Variants in TMIGD3 observed in about 807,000 individuals in gnomAD.
TMIGD3 encodes transmembrane and immunoglobulin domain containing 3.
Under a neutral mutation model 28.1 loss-of-function variants are expected in TMIGD3, and 21 were observed. The ratio of observed to expected loss-of-function variants is 0.75; its 90% confidence interval spans 0.53 to 1.08. TMIGD3 has a LOEUF of 1.08. TMIGD3 is among the 50% of genes least tolerant of loss of function. The pLI is 0.00. For synonymous variants in TMIGD3, 151 were observed against 162.1 expected, an observed-to-expected ratio of 0.93 and a Z score of 0.52; for missense variants, 416 against 435.6, an observed-to-expected ratio of 0.96 and a Z score of 0.40.
intron 1 of TMIGD3, among the ~76,000 whole-genome samples, chr1:111,521,864 TTC>T (rs1448640020): frequency 6.6e-6 from 1 of 152,244 alleles, no homozygotes; most frequent in East Asian, 1.9e-4. Flanking sequence ...CTCCTGTGTT[TTC>T]TCCTAGAAAT....
intron 1 of TMIGD3, among the ~76,000 whole-genome samples, chr1:111,534,698 T>A (rs1179203142): frequency 1.3e-5 from 2 of 152,050 alleles, no homozygotes; most frequent in African/African-American, 2.4e-5. Context: ...TGGGAGCACA[T>A]GAATGATGTA....
upstream of TMIGD3, among the ~76,000 whole-genome samples, chr1:111,508,298 C>CT (rs1655581322): frequency 6.6e-6 from 1 of 152,266 alleles, no homozygotes; most frequent in Admixed American, 6.5e-5. Flanking sequence ...AGCGTTTCAG[C>CT]TGCCGGAGAC....
intron 1 of TMIGD3, among the ~76,000 whole-genome samples, chr1:111,515,058 A>C (rs973232174): frequency 5.9e-5 from 9 of 152,204 alleles, no homozygotes; most frequent in Admixed American, 5.9e-4. Flanking sequence ...CCCCACATTG[A>C]ATCCAACTGC....
intron 1 of TMIGD3, among the ~76,000 whole-genome samples, chr1:111,548,216 T>TC (rs1230938119): frequency 6.6e-6 from 1 of 152,168 alleles, no homozygotes; most frequent in Non-Finnish European, 1.5e-5. Flanking sequence ...AGATGGGGTT[T>TC]CCCCATGTTG....
chr1:111,501,447 TTATTA>T (rs761900818), intron 1 of TMIGD3: 6 of 152,198 alleles, frequency 3.9e-5, no homozygotes, highest in Non-Finnish European at 8.8e-5. Flanking sequence ...AGGAGATATT[TTATTA>T]TAACCTCAAT....
intron 1 of TMIGD3, among the ~76,000 whole-genome samples, chr1:111,492,275 A>G (rs1412532051): frequency 6.6e-6 from 1 of 152,088 alleles, no homozygotes; most frequent in Non-Finnish European, 1.5e-5. Flanking sequence ...CCCCTTAGAA[A>G]CCATAAGAGA....
intron 1 of TMIGD3, among the ~76,000 whole-genome samples, chr1:111,510,753 C>T (rs893147216): frequency 4.6e-5 from 7 of 151,956 alleles, no homozygotes; most frequent in African/African-American, 7.3e-5. Flanking sequence ...AGAAGGAGTA[C>T]GCGTTTATTT....
chr1:111,507,844 A>G (rs1261781263), upstream of TMIGD3, among the ~76,000 whole-genome samples: 2 of 152,244 alleles, frequency 1.3e-5, no homozygotes, highest in Non-Finnish European at 2.9e-5. Context: ...ACAAGTGCTC[A>G]GGGTCAGCCC....
chr1:111,511,709 T>A (rs1042884799), intron 1 of TMIGD3, among the ~76,000 whole-genome samples: 3 of 112,180 alleles, frequency 2.7e-5, no homozygotes, highest in Non-Finnish European at 5.7e-5. Flanking sequence ...GTCCACATGC[T>A]CTTTCCATCC....
At chr1:111,512,396 C>T (rs11102289) in intron 1 of TMIGD3, among the ~76,000 whole-genome samples, 34,844 of 152,270 alleles carry the variant, frequency 0.23, 4,870 homozygotes, top group East Asian at 0.43. Flanking sequence ...GGAGAAATCA[C>T]TGTCAGGCTC....
At chr1:111,557,166 C>T (rs1205884515) in intron 1 of TMIGD3, among the ~76,000 whole-genome samples, 1 of 152,132 alleles carries the variant, frequency 6.6e-6, no homozygotes, top group Non-Finnish European at 1.5e-5. Context: ...GATTTTTCAA[C>T]ACCACAGTGG....
chr1:111,548,359 T>G (rs1208993954), intron 1 of TMIGD3, among the ~76,000 whole-genome samples: 2 of 152,260 alleles, frequency 1.3e-5, no homozygotes, highest in East Asian at 3.8e-4. Flanking sequence ...TTGCTTTGAT[T>G]GTGCCTTGTC....
chr1:111,503,112 G>T lies in TMIGD3; in HGVS notation c.243C>A (p.Tyr81Ter), dbSNP rs146244517. 97 of 1,614,082 alleles carry T rather than the reference G, an allele frequency of 6.0e-5. No homozygotes were observed. The highest frequency in any genetic ancestry group is 7.9e-5 in the Non-Finnish European group (93 of 1,180,026). Reference sequence around the variant, plus strand: ...GTAGGCAAGTCATAAAAAGGCAGCTGTAGAAGTGGATTGTGATGCCCAGGC... The same window carrying T: ...GTAGGCAAGTCATAAAAAGGCAGCTTTAGAAGTGGATTGTGATGCCCAGGC... ...VVSLGITIHFYSCLFMTCLLL... is the reference protein window; with the variant it reads ...VVSLGITIHF Residue 81 changes from tyrosine (Y) to a stop codon, truncating the protein, a stop_gained, in exon 1 of 6, where the codon TAC (tyrosine) becomes TAA (stop). Transcript: ENST00000369716. LOFTEE classifies it high-confidence loss of function.
chr1:111,500,377 A>G (rs1655111091), intron 1 of TMIGD3: 2 of 1,614,098 alleles, frequency 1.2e-6, no homozygotes, highest in African/African-American at 2.7e-5. Context: ...GAAGTATACC[A>G]TGTAGTCCAT....
At chr1:111,536,799 G>A (rs1423204862) in intron 1 of TMIGD3, among the ~76,000 whole-genome samples, 1 of 150,318 alleles carries the variant, frequency 6.7e-6, no homozygotes, top group African/African-American at 2.4e-5. Context: ...GTTCCTCCGT[G>A]TGGTTGTCCC....
intron 1 of TMIGD3, among the ~76,000 whole-genome samples, chr1:111,510,038 T>G (rs1655638809): frequency 6.6e-6 from 1 of 152,262 alleles, no homozygotes; most frequent in South Asian, 2.1e-4. Flanking sequence ...ATTGCCATTT[T>G]GGGCAGACAT....
chr1:111,502,868 CAA>C (rs1655312645), intron 1 of TMIGD3, 135 bp downstream of exon 1: 1 of 1,133,898 alleles, frequency 8.8e-7, no homozygotes. Context: ...GACCATATCA[CAA>C]AAAGACACTT....
chr1:111,555,528 G>A (rs1657454812), intron 1 of TMIGD3, among the ~76,000 whole-genome samples: 1 of 151,874 alleles, frequency 6.6e-6, no homozygotes, highest in African/African-American at 2.4e-5. Context: ...AATAGCTGAA[G>A]AAATTTTACA....
At chr1:111,530,673 T>A (rs996524487) in intron 1 of TMIGD3, among the ~76,000 whole-genome samples, 13 of 152,240 alleles carry the variant, frequency 8.5e-5, no homozygotes, top group African/African-American at 2.9e-4. Context: ...TCTGACATGA[T>A]GTCTTCTGCC....
Sources: gnomAD v4.1 joint callset for allele counts (sites outside exome capture counted in the v4.1 genomes callset) on GRCh38, gnomAD v4.1.1 for gene constraint, MANE v1.5 for transcripts, NCBI Gene and HGNC (gene_info 2026-07-23, HGNC 2026-07-21) for gene names.